Variants in CELF5 observed in about 807,000 individuals in gnomAD.
CELF5 encodes the protein CUG-BP and ETR-3 like factor 5.
A neutral mutation model predicts 54.9 loss-of-function variants in CELF5; 6 were observed. That is an observed-to-expected ratio of 0.11 (90% CI 0.06 to 0.22). CELF5 has a LOEUF of 0.22. CELF5 is among the 10% of genes least tolerant of loss of function. The pLI is 1.00. For missense variants in CELF5, 401 were observed against 678.6 expected, an observed-to-expected ratio of 0.59 and a Z score of 4.54; for synonymous variants, 271 against 290.9, an observed-to-expected ratio of 0.93 and a Z score of 0.70.
At position 3,277,973 on chromosome 19, in the gene CELF5, C is replaced by T. The variant is rs117554515; in HGVS notation, c.524-58C>T. Reference sequence around the variant, plus strand: ...TCTGTGTCCCCTCTCCTGTGGCCCCCGCTCAGCCAGTCCTGTGACCCCATC... The same window carrying T: ...TCTGTGTCCCCTCTCCTGTGGCCCCTGCTCAGCCAGTCCTGTGACCCCATC... On this transcript the variant is annotated intron_variant, in intron 4 of 12. Transcript: ENST00000292672. 1.0e-3 allele frequency: 1,471 copies of T among 1,408,704 alleles called. 26 individuals are homozygous for T. The East Asian group carries it at 0.031, about 29-fold the overall frequency. The allele number at this position is 1,408,704 out of a possible 1,614,324, so 87.3% of individuals were successfully genotyped here. A position where few individuals can be genotyped will look rare whatever the true frequency, so the allele number is the denominator to read the frequency against.
intron 1 of CELF5, among the ~76,000 whole-genome samples, chr19:3,246,020 G>T (rs1356430232): frequency 4.6e-5 from 7 of 152,164 alleles, no homozygotes; most frequent in African/African-American, 1.7e-4. Flanking sequence ...TTAAACACAC[G>T]CCTGTCTTAT....
intron 1 of CELF5, among the ~76,000 whole-genome samples, chr19:3,236,348 C>G (rs1310500986): frequency 6.6e-6 from 1 of 152,034 alleles, no homozygotes; most frequent in African/African-American, 2.4e-5. Context: ...GCATGTGTGG[C>G]CTCGTGGTTC....
chr19:3,229,737 G>T (rs1484390599), intron 1 of CELF5, among the ~76,000 whole-genome samples: 1 of 152,202 alleles, frequency 6.6e-6, no homozygotes. Context: ...AGTGGGAGCG[G>T]GCTTGTTACA....
At chr19:3,273,223 C>A (rs2079994809) in intron 2 of CELF5, among the ~76,000 whole-genome samples, 1 of 152,120 alleles carries the variant, frequency 6.6e-6, no homozygotes, top group Non-Finnish European at 1.5e-5. Flanking sequence ...AGCTGGACGG[C>A]TCTTCTGTTG....
chr19:3,236,954 A>G (rs1055179764), intron 1 of CELF5, among the ~76,000 whole-genome samples: 2 of 147,072 alleles, frequency 1.4e-5, no homozygotes, highest in Admixed American at 7.1e-5. Context: ...GCGCCACTGC[A>G]CTCCAGCCTG....
chr19:3,267,276 G>A (rs1168281579), intron 2 of CELF5, among the ~76,000 whole-genome samples: 1 of 142,510 alleles, frequency 7.0e-6, no homozygotes, highest in Non-Finnish European at 1.5e-5. Flanking sequence ...GCTTTCTGAA[G>A]AGAGGGCAAC....
chr19:3,229,570 C>G (rs940826214), intron 1 of CELF5, among the ~76,000 whole-genome samples: 2 of 152,196 alleles, frequency 1.3e-5, no homozygotes, highest in African/African-American at 4.8e-5. Context: ...GGTTTCCCTG[C>G]GTCTTGTGGC....
At chr19:3,244,829 G>T (rs2079541724) in intron 1 of CELF5, among the ~76,000 whole-genome samples, 1 of 147,714 alleles carries the variant, frequency 6.8e-6, no homozygotes. Flanking sequence ...TGCGTATGTG[G>T]TGTGTGTATG....
chr19:3,294,771 G>A (rs1316037273), intron 12 of CELF5: 2 of 152,214 alleles, frequency 1.3e-5, no homozygotes, highest in East Asian at 1.9e-4. Flanking sequence ...AGATGGCAGG[G>A]GGTAGGGAAG....
intron 1 of CELF5, among the ~76,000 whole-genome samples, chr19:3,238,290 A>C (rs894586417): frequency 6.6e-6 from 1 of 152,174 alleles, no homozygotes; most frequent in African/African-American, 2.4e-5. Context: ...AACGCTTCTG[A>C]CAGTACTTCC....
chr19:3,290,064 G>A (rs1286436967), intron 10 of CELF5, among the ~76,000 whole-genome samples, 167 bp from the exon 11 acceptor site: 8 of 152,050 alleles, frequency 5.3e-5, no homozygotes, highest in Admixed American at 2.0e-4. Flanking sequence ...GGTGTGTCCC[G>A]TCTCCCTCCC....
intron 10 of CELF5, among the ~76,000 whole-genome samples, chr19:3,289,228 C>T (rs1287909845): frequency 1.3e-5 from 2 of 152,108 alleles, no homozygotes; most frequent in African/African-American, 4.8e-5. Context: ...GGAGTTATCC[C>T]TAGCTGGGGT....
chr19:3,279,159 G>A (rs1361483653), intron 5 of CELF5, among the ~76,000 whole-genome samples: 2 of 152,124 alleles, frequency 1.3e-5, no homozygotes, highest in Admixed American at 1.3e-4. Context: ...GGGGCCAGGT[G>A]GACAGGGAGG....
intron 2 of CELF5, among the ~76,000 whole-genome samples, chr19:3,253,112 A>T (rs1040016583): frequency 6.6e-6 from 1 of 150,440 alleles, no homozygotes; most frequent in Non-Finnish European, 1.5e-5. Flanking sequence ...AAAAAAAAAA[A>T]GAAAGAAAGA....
rs1020639183 is a variant in CELF5, at chr19:3,235,778, A to C, written c.259+10780A>C. Among the ~76,000 whole-genome samples the C allele has an allele frequency of 5.2e-5, 7 of 135,600 alleles. No individual in the cohort carries two copies. The South Asian group carries it at 1.0e-3, about 20-fold the overall frequency. The allele number at this position is 135,600 out of a possible 152,430, so 89.0% of individuals were successfully genotyped here. A position where few individuals can be genotyped will look rare whatever the true frequency, so the allele number is the denominator to read the frequency against. On this transcript the variant is annotated intron_variant, in intron 1 of 12. Transcript: ENST00000292672. The stretch of plus-strand genomic sequence containing the variant: ...GATGTGTGGATGGGTGGATAGATGG[A>C]TGGATGGATGAATGGATGGATGGAT...
At chr19:3,237,449 T>C (rs1180758289) in intron 1 of CELF5, among the ~76,000 whole-genome samples, 7 of 151,794 alleles carry the variant, frequency 4.6e-5, no homozygotes, top group African/African-American at 1.7e-4. Flanking sequence ...TATTCATGAG[T>C]TTCCCGGGAA....
At chr19:3,284,653 C>A in intron 8 of CELF5, 1 of 545,038 alleles carries the variant, frequency 1.8e-6, no homozygotes, top group East Asian at 3.0e-5. Flanking sequence ...GAGATGGGGA[C>A]GATGGTGATC....
rs202197927 is a variant in CELF5, at chr19:3,224,901, G to C, written c.162G>C (p.Arg54=). 3.7e-5 allele frequency: 59 copies of C among 1,608,630 alleles called. No homozygotes were observed. The East Asian group carries it at 9.0e-4, about 24-fold the overall frequency. ...AACTCTTCGTGGGCCAGATCCCGCGGCACCTGGACGAGAAGGACCTCAAGC... is the reference window on the plus strand; with the variant it reads ...AACTCTTCGTGGGCCAGATCCCGCGCCACCTGGACGAGAAGGACCTCAAGC... The part of the protein sequence containing the change: ...AIKLFVGQIP[R]HLDEKDLKPL... The change falls in exon 1 of 13, where the codon CGG becomes CGC. Residue 54 remains arginine (R), a synonymous_variant. Coordinates refer to ENST00000292672, the MANE Select transcript of CELF5 (RefSeq NM_021938.4).
At position 3,224,976 on chromosome 19, in the gene CELF5, C is replaced by T. The variant is rs1461384824; in HGVS notation, c.237C>T (p.Asp79=). ...TCTACGAGCTCACGGTGCTCAAAGA[C>T]CCCTACACGGGGATGCACAAAGGTG... ...GRIYELTVLK[D]PYTGMHKGCA... Residue 79 remains aspartate, a synonymous_variant, in exon 1 of 13, where the codon GAC becomes GAT. Coordinates refer to ENST00000292672, the MANE Select transcript of CELF5 (RefSeq NM_021938.4). The T allele has an allele frequency of 1.9e-6, 3 of 1,599,674 alleles. No individual in the cohort carries two copies. Among genetic ancestry groups the T allele is most frequent in the African/African-American group, 1.3e-5 (1 of 74,206 alleles).
Sources: allele counts gnomAD v4.1 joint callset (sites outside exome capture counted in the v4.1 genomes callset), GRCh38; gene constraint gnomAD v4.1.1; transcripts MANE v1.5; gene names NCBI Gene and HGNC (gene_info 2026-07-23, HGNC 2026-07-21).